Variants in ZFP2 observed in about 807,000 individuals in gnomAD.
ZFP2 encodes zinc finger protein ZFP2.
In ZFP2, 33 loss-of-function variants were observed where a neutral mutation model predicts 36.1. That is an observed-to-expected ratio of 0.92 (90% CI 0.69 to 1.22). ZFP2 has a LOEUF of 1.22. ZFP2 is among the 50% of genes most tolerant of loss of function. The pLI is 0.00. For synonymous variants in ZFP2, 170 were observed against 178.0 expected, an observed-to-expected ratio of 0.96 and a Z score of 0.36; for missense variants, 522 against 551.4, an observed-to-expected ratio of 0.95 and a Z score of 0.53.
intron 4 of ZFP2, among the ~76,000 whole-genome samples, chr5:178,921,105 C>T (rs1758551455): frequency 6.6e-6 from 1 of 152,158 alleles, no homozygotes. Flanking sequence ...GTGTGTCACT[C>T]TGTGGCCAGT....
At chr5:178,919,836 C>T (rs7732997) in intron 4 of ZFP2, among the ~76,000 whole-genome samples, 177 of 152,180 alleles carry the variant, frequency 1.2e-3, no homozygotes, top group African/African-American at 4.2e-3. Flanking sequence ...TAGTGCATGC[C>T]TGTAGTCCCA....
At position 178,916,611 on chromosome 5, in the gene ZFP2, CATT is replaced by C. The variant is rs1267946066; in HGVS notation, c.-174_-172del. 1 of 978,978 alleles carries C rather than the reference CATT, an allele frequency of 1.0e-6. No homozygotes were observed. Among genetic ancestry groups the C allele is most frequent in the Non-Finnish European group, 1.2e-6 (1 of 828,112 alleles). The allele number at this position is 978,978 out of a possible 1,614,324, so 60.6% of individuals were successfully genotyped here. A position where few individuals can be genotyped will look rare whatever the true frequency, so the allele number is the denominator to read the frequency against. ...AGATTAATCTGACATTTAGTCCTCTCATTATCCTGTCCCAGTCAAGGGGAGAAA... is the reference window on the plus strand; with the variant it reads ...AGATTAATCTGACATTTAGTCCTCTCATCCTGTCCCAGTCAAGGGGAGAAA... On this transcript the variant is annotated 5_prime_UTR_variant, in exon 4 of 5. Coordinates refer to ENST00000361362, the MANE Select transcript of ZFP2 (RefSeq NM_030613.4).
chr5:178,929,090 T>G (rs1337628783), intron 4 of ZFP2, among the ~76,000 whole-genome samples: 2 of 152,018 alleles, frequency 1.3e-5, no homozygotes, highest in Non-Finnish European at 2.9e-5. Flanking sequence ...CAGGGAGCAG[T>G]GTCCCAAGGC....
rs1436600735 is a variant in ZFP2 at position 178,925,122 on chromosome 5, TATATAC to T, written c.-77-6113_-77-6108del. On this transcript the variant is annotated intron_variant, in intron 4 of 4. Transcript: ENST00000361362. ...AATTGAATCTTTATATATATATATA[TATATAC>T]ACACACACACACACACACACACATA... 4.4e-5 allele frequency among the ~76,000 whole-genome samples: 3 copies of T among 68,020 alleles called. No homozygotes were observed. The Admixed American group carries it at 5.6e-4, about 13-fold the overall frequency. The allele number at this position is 68,020 out of a possible 152,430, so 44.6% of individuals were successfully genotyped here.
At position 178,932,387 on chromosome 5, in the gene ZFP2, G is replaced by A. The variant is rs779563815; in HGVS notation, c.1074G>A (p.Val358=). The part of the protein sequence containing the change: ...HTGEKPYECM[V]CGKHFTGRSS... ...GAGAGAAACCTTATGAGTGTATGGT[G>A]TGTGGAAAACATTTCACTGGACGAT... is the stretch of plus-strand genomic sequence containing the variant. Residue 358 remains valine, a synonymous_variant, in exon 5 of 5, where the codon GTG becomes GTA. Coordinates refer to ENST00000361362, the MANE Select transcript of ZFP2 (RefSeq NM_030613.4). 2.5e-6 allele frequency: 4 copies of A among 1,614,064 alleles called. No individual in the cohort carries two copies. Among genetic ancestry groups the A allele is most frequent in the East Asian group, 4.5e-5 (2 of 44,858 alleles).
chr5:178,913,880 G>A (rs1327275610), intron 3 of ZFP2: 1 of 125,188 alleles, frequency 8.0e-6, no homozygotes, highest in Admixed American at 9.0e-5. Context: ...TTTTTGAGAT[G>A]GAGTCTCGCT....
intron 1 of ZFP2, chr5:178,910,607 G>A (rs1297308223): frequency 1.6e-5 from 7 of 436,452 alleles, no homozygotes; most frequent in Non-Finnish European, 2.2e-5. Flanking sequence ...CTGGCCCATG[G>A]TACTGGTGTC....
chr5:178,898,619 C>A (rs1757987103), intron 1 of ZFP2, among the ~76,000 whole-genome samples: 1 of 152,188 alleles, frequency 6.6e-6, no homozygotes, highest in African/African-American at 2.4e-5. Flanking sequence ...AAGGAAGAAC[C>A]CCACAGGAAG....
chr5:178,919,816 C>G (rs978939889), intron 4 of ZFP2, among the ~76,000 whole-genome samples: 9 of 152,026 alleles, frequency 5.9e-5, no homozygotes, highest in Non-Finnish European at 1.0e-4. Flanking sequence ...ACAAAACTAC[C>G]TGGGTGTGGT....
chr5:178,900,760 C>G (rs1264465247), intron 1 of ZFP2, among the ~76,000 whole-genome samples: 1 of 42,986 alleles, frequency 2.3e-5, no homozygotes, highest in African/African-American at 8.9e-5. Flanking sequence ...TCCACGTCCC[C>G]CATCCCAGCC....
At chr5:178,911,441 G>C (rs1758296512) in intron 1 of ZFP2, among the ~76,000 whole-genome samples, 1 of 151,834 alleles carries the variant, frequency 6.6e-6, no homozygotes, top group African/African-American at 2.4e-5. Context: ...CTCTACCTTC[G>C]CCACCCCTGA....
rs1217554080 is a variant in ZFP2, at chr5:178,931,388, G to A, written c.75G>A (p.Gln25=). Residue 25 remains glutamine (Q), a synonymous_variant, in exon 5 of 5, where the codon CAG becomes CAA. Transcript: ENST00000361362. ...WEPNNWLEGQ[Q]DSHLSQVGVT... is the part of the protein sequence containing the mutation. ...CTAATAATTGGTTAGAGGGACAACA[G>A]GATAGTCATCTGAGCCAAGTGGGAG... 6.2e-7 allele frequency: 1 copy of A among 1,614,078 alleles called. No individual in the cohort carries two copies.
intron 1 of ZFP2, among the ~76,000 whole-genome samples, chr5:178,898,145 C>G (rs1278709829): frequency 1.3e-5 from 2 of 152,146 alleles, no homozygotes; most frequent in African/African-American, 4.8e-5. Flanking sequence ...CCCACCACCA[C>G]TCTCTAATTT....
chr5:178,905,545 G>C (rs1391819564), intron 1 of ZFP2, among the ~76,000 whole-genome samples: 1 of 152,032 alleles, frequency 6.6e-6, no homozygotes, highest in Non-Finnish European at 1.5e-5. Context: ...GTATCAAAAA[G>C]CCTTTGTTTT....
At chr5:178,910,920 A>G (rs1376224185) in intron 1 of ZFP2, among the ~76,000 whole-genome samples, 2 of 152,212 alleles carry the variant, frequency 1.3e-5, no homozygotes, top group Non-Finnish European at 2.9e-5. Context: ...TTTATAGGGA[A>G]AAAAGGTTCC....
intron 1 of ZFP2, among the ~76,000 whole-genome samples, chr5:178,899,810 G>C (rs1411360667): frequency 6.6e-6 from 1 of 151,408 alleles, no homozygotes; most frequent in South Asian, 2.1e-4. Context: ...ACTTAGCCTT[G>C]TTGTCTGGAA....
At chr5:178,924,372 CAAA>C (rs11292713) in intron 4 of ZFP2, among the ~76,000 whole-genome samples, 30 of 110,828 alleles carry the variant, frequency 2.7e-4, no homozygotes, top group Admixed American at 2.8e-4. Context: ...GACTCTGTCT[CAAA>C]AAAAAAAAAA....
At chr5:178,908,492 G>C (rs1183975341) in intron 1 of ZFP2, among the ~76,000 whole-genome samples, 1 of 150,996 alleles carries the variant, frequency 6.6e-6, no homozygotes, top group African/African-American at 2.4e-5. Flanking sequence ...CATGTAAATA[G>C]CGCTACACAC....
intron 1 of ZFP2, among the ~76,000 whole-genome samples, chr5:178,897,995 T>C (rs547168674): frequency 6.6e-6 from 1 of 152,270 alleles, no homozygotes; most frequent in Non-Finnish European, 1.5e-5. Context: ...TTAGTGAACT[T>C]CTTTTTTTTT....
Sources: allele counts gnomAD v4.1 joint callset (sites outside exome capture counted in the v4.1 genomes callset), GRCh38; gene constraint gnomAD v4.1.1; transcripts MANE v1.5; gene names NCBI Gene and HGNC (gene_info 2026-07-23, HGNC 2026-07-21).